The following LDB2 variants were observed in gnomAD, a reference collection of about 807,000 sequenced individuals.
The protein encoded by LDB2 is LIM domain binding 2.
In LDB2, 12 loss-of-function variants were observed where a neutral mutation model predicts 44.3. The ratio of observed to expected loss-of-function variants is 0.27; its 90% CI spans 0.17 to 0.44. The LOEUF is 0.44. Among genes scored for constraint, LDB2 ranks in the 20% least tolerant of loss-of-function variants. LDB2 has a pLI of 1.00. For missense variants in LDB2, 344 were observed against 473.5 expected (o/e 0.73, Z 2.54); for synonymous variants, 164 against 174.8 (o/e 0.94, Z 0.49).
chr4:16,560,014 C>G (rs1229166573), intron 5 of LDB2, among the ~76,000 whole-genome samples: 1 of 152,110 alleles, frequency 6.6e-6, no homozygotes, highest in African/African-American at 2.4e-5. Context: ...TTCTTTGAAA[C>G]CAACCAGAAC....
chr4:16,506,052 C>G (rs1186106070), intron 7 of LDB2: 1 of 1,495,722 alleles, frequency 6.7e-7, no homozygotes, highest in Non-Finnish European at 9.0e-7. Context: ...ACATCGCTGC[C>G]GCAGCAGCTA....
intron 5 of LDB2, among the ~76,000 whole-genome samples, chr4:16,516,275 G>A (rs963100507): frequency 1.3e-5 from 2 of 152,202 alleles, no homozygotes; most frequent in African/African-American, 4.8e-5. Context: ...ACTGTTGTGA[G>A]AATTTGAGTT....
intron 2 of LDB2, among the ~76,000 whole-genome samples, chr4:16,662,549 A>C (rs1412828725): frequency 2.6e-5 from 4 of 152,120 alleles, no homozygotes; most frequent in South Asian, 2.1e-4. Flanking sequence ...CTGTGTCCCC[A>C]CCCAAATCTC....
chr4:16,810,486 T>C (rs1423346223), intron 1 of LDB2, among the ~76,000 whole-genome samples: 1 of 152,230 alleles, frequency 6.6e-6, no homozygotes, highest in Non-Finnish European at 1.5e-5. Context: ...AGGGTAGTTG[T>C]GATGGATCTA....
intron 2 of LDB2, among the ~76,000 whole-genome samples, chr4:16,675,921 T>C (rs1425404920): frequency 6.6e-6 from 1 of 152,236 alleles, no homozygotes; most frequent in Non-Finnish European, 1.5e-5. Context: ...AAATGACATA[T>C]ATCTGTTTGT....
intron 5 of LDB2, among the ~76,000 whole-genome samples, chr4:16,548,524 T>C (rs1020838100): frequency 3.9e-5 from 6 of 152,214 alleles, no homozygotes; most frequent in African/African-American, 1.4e-4. Context: ...GATTGTCAGC[T>C]CTTCCAAAGC....
intron 5 of LDB2, among the ~76,000 whole-genome samples, chr4:16,548,799 C>T (rs1356202544): frequency 6.6e-6 from 1 of 152,154 alleles, no homozygotes; most frequent in Non-Finnish European, 1.5e-5. Context: ...AAGCACAACA[C>T]CCTACAGTCT....
At chr4:16,834,517 T>C (rs953108632) in intron 1 of LDB2, among the ~76,000 whole-genome samples, 1 of 152,110 alleles carries the variant, frequency 6.6e-6, no homozygotes, top group African/African-American at 2.4e-5. Context: ...GTGACTCCTA[T>C]AGGTGCAAGC....
intron 1 of LDB2, among the ~76,000 whole-genome samples, chr4:16,765,136 G>A (rs1396005565): frequency 6.6e-6 from 1 of 152,154 alleles, no homozygotes; most frequent in Non-Finnish European, 1.5e-5. Flanking sequence ...GTATTGGGTG[G>A]CACGCACATC....
intron 2 of LDB2, among the ~76,000 whole-genome samples, chr4:16,702,709 C>G (rs157623): frequency 0.25 from 37,254 of 152,032 alleles, 5,274 homozygotes; most frequent in Non-Finnish European, 0.33. Flanking sequence ...CATGGGGATG[C>G]ATGAGTGAAG....
chr4:16,806,792 T>C (rs1292127082), intron 1 of LDB2, among the ~76,000 whole-genome samples: 1 of 152,150 alleles, frequency 6.6e-6, no homozygotes, highest in Non-Finnish European at 1.5e-5. Flanking sequence ...CTGGGTTGTA[T>C]TCCCAGCTCC....
intron 2 of LDB2, among the ~76,000 whole-genome samples, chr4:16,746,834 G>A (rs1764489260): frequency 6.6e-6 from 1 of 152,108 alleles, no homozygotes; most frequent in Non-Finnish European, 1.5e-5. Flanking sequence ...GAAGTGAAAT[G>A]TAATCATATG....
chr4:16,737,232 T>A (rs550715221), intron 2 of LDB2, among the ~76,000 whole-genome samples: 2 of 152,236 alleles, frequency 1.3e-5, no homozygotes, highest in Non-Finnish European at 2.9e-5. Context: ...TATTTAATTT[T>A]ATTTATTTAT....
At chr4:16,584,884 G>A (rs545254429) in intron 5 of LDB2, among the ~76,000 whole-genome samples, 6 of 152,316 alleles carry the variant, frequency 3.9e-5, no homozygotes, top group East Asian at 1.9e-4. Flanking sequence ...CTAAGAATCT[G>A]TCCAAGATCT....
At chr4:16,504,896 G>A (rs1235874802) in intron 7 of LDB2, among the ~76,000 whole-genome samples, 1 of 152,222 alleles carries the variant, frequency 6.6e-6, no homozygotes, top group African/African-American at 2.4e-5. Flanking sequence ...CAGCACACTT[G>A]AAGGGCTTGG....
chr4:16,519,116 T>C (rs1032218903), intron 5 of LDB2, among the ~76,000 whole-genome samples: 1 of 152,222 alleles, frequency 6.6e-6, no homozygotes, highest in African/African-American at 2.4e-5. Flanking sequence ...CGGCAAGCTA[T>C]ATTTTACTTT....
intron 2 of LDB2, among the ~76,000 whole-genome samples, chr4:16,733,329 A>T (rs1761149057): frequency 6.6e-6 from 1 of 151,586 alleles, no homozygotes; most frequent in Admixed American, 6.6e-5. Flanking sequence ...AAATTTGAAC[A>T]GATACCCAAT....
intron 2 of LDB2, among the ~76,000 whole-genome samples, chr4:16,704,908 G>A (rs58462102): frequency 0.044 from 6,771 of 152,186 alleles, 557 homozygotes; most frequent in African/African-American, 0.16. Context: ...AAAACCTAGT[G>A]AGGTCCTGTC....
chr4:16,621,066 C>T (rs972631123), intron 2 of LDB2, among the ~76,000 whole-genome samples: 4 of 152,156 alleles, frequency 2.6e-5, no homozygotes, highest in Non-Finnish European at 4.4e-5. Context: ...ACATCTACTA[C>T]GTGTACAGCA....
Sources: gnomAD v4.1 joint callset for allele counts (sites outside exome capture counted in the v4.1 genomes callset) on GRCh38, gnomAD v4.1.1 for gene constraint, MANE v1.5 for transcripts, NCBI Gene and HGNC (gene_info 2026-07-23, HGNC 2026-07-21) for gene names.